CAMK4: variants seen among roughly 807,000 people sequenced by gnomAD.
The protein encoded by CAMK4 is calcium/calmodulin dependent protein kinase IV.
Under a neutral mutation model 44.9 loss-of-function variants are expected in CAMK4, and 22 were observed. The observed-to-expected ratio is 0.49, with a 90% CI of 0.35 to 0.70. CAMK4 has a LOEUF of 0.70. CAMK4 is among the 30% of genes least tolerant of loss of function. CAMK4 has a pLI of 0.01. For synonymous variants in CAMK4, 218 were observed against 215.4 expected (o/e 1.01, Z -0.11); for missense variants, 498 against 586.8 (o/e 0.85, Z 1.56).
intron 7 of CAMK4, among the ~76,000 whole-genome samples, chr5:111,468,864 G>C (rs1302023443): frequency 6.6e-6 from 1 of 151,986 alleles, no homozygotes; most frequent in Non-Finnish European, 1.5e-5. Flanking sequence ...TGTAATCACA[G>C]CTACTCAGGA....
chr5:111,373,071 A>T (rs544693423), intron 2 of CAMK4, among the ~76,000 whole-genome samples: 4 of 152,218 alleles, frequency 2.6e-5, no homozygotes, highest in Non-Finnish European at 5.9e-5. Context: ...TGGCATCCAA[A>T]CAACAAAAGT....
At chr5:111,337,926 CTG>C (rs1440301401) in intron 1 of CAMK4, among the ~76,000 whole-genome samples, 1 of 151,090 alleles carries the variant, frequency 6.6e-6, no homozygotes, top group African/African-American at 2.4e-5. Flanking sequence ...TGCCTCTAGA[CTG>C]TTTTAGTTGG....
chr5:111,287,917 G>A (rs533337507), intron 1 of CAMK4, among the ~76,000 whole-genome samples: 3 of 152,270 alleles, frequency 2.0e-5, no homozygotes, highest in African/African-American at 4.8e-5. Flanking sequence ...CACTCCAGAC[G>A]CCTCTGGCAG....
intron 5 of CAMK4, among the ~76,000 whole-genome samples, chr5:111,417,360 G>A (rs2112908441): frequency 6.6e-6 from 1 of 152,014 alleles, no homozygotes; most frequent in East Asian, 1.9e-4. Flanking sequence ...AGGATTACAG[G>A]CGCCACCACC....
Position 111,337,789 on chromosome 5 carries a change from A to C in CAMK4, c.162-6235A>C, listed in dbSNP as rs559552923. Among the ~76,000 whole-genome samples, 21 of 151,290 alleles carry C rather than the reference A, an allele frequency of 1.4e-4. No homozygotes were observed. In the South Asian group the frequency reaches 3.9e-3, roughly 28 times the overall value. ...GTGAGTGACAGCAGTGGGCCAAATT[A>C]GTACTAAAGTTGCAGCAGTTACAAA... On this transcript the variant is annotated intron_variant, in intron 1 of 10. Transcript: ENST00000282356.
At chr5:111,436,313 C>A (rs1392237249) in intron 5 of CAMK4, among the ~76,000 whole-genome samples, 1 of 152,088 alleles carries the variant, frequency 6.6e-6, no homozygotes, top group Non-Finnish European at 1.5e-5. Context: ...ATGAAAATAT[C>A]CATGTTTCTC....
At chr5:111,346,266 A>G (rs1270692214) in intron 2 of CAMK4, among the ~76,000 whole-genome samples, 1 of 151,958 alleles carries the variant, frequency 6.6e-6, no homozygotes, top group Non-Finnish European at 1.5e-5. Flanking sequence ...AAAAAAAACA[A>G]AAGGGTTCAG....
At chr5:111,344,747 A>T (rs1264657500) in intron 2 of CAMK4, among the ~76,000 whole-genome samples, 1 of 151,772 alleles carries the variant, frequency 6.6e-6, no homozygotes, top group East Asian at 1.9e-4. Context: ...AGGAGGCAAA[A>T]GTGACTTAGG....
intron 5 of CAMK4, among the ~76,000 whole-genome samples, chr5:111,400,991 T>TC (rs1407429414): frequency 2.0e-5 from 3 of 152,182 alleles, no homozygotes; most frequent in Non-Finnish European, 4.4e-5. Context: ...AACATCATCA[T>TC]CCCCTACATT....
Position 111,417,982 on chromosome 5 carries a change from C to T in CAMK4, c.459+23200C>T, listed in dbSNP as rs79940991. 6.5e-3 allele frequency among the ~76,000 whole-genome samples: 983 copies of T among 152,028 alleles called. 10 individuals are homozygous for T. Among genetic ancestry groups the T allele is most frequent in the African/African-American group, 0.021 (865 of 41,450 alleles). ...CATCCATGCAGTTTTGTGATACTTA[C>T]AACTGATATTTTGGAGGTTTTTTTT... On this transcript the variant is annotated intron_variant, in intron 5 of 10. Transcript: ENST00000282356.
chr5:111,331,671 C>G (rs1749173010), intron 1 of CAMK4, among the ~76,000 whole-genome samples: 1 of 151,628 alleles, frequency 6.6e-6, no homozygotes, highest in African/African-American at 2.4e-5. Context: ...AGTTTTCTCC[C>G]TCCTTTTTAG....
At chr5:111,271,503 AT>A (rs1274004959) in intron 1 of CAMK4, among the ~76,000 whole-genome samples, 3 of 152,130 alleles carry the variant, frequency 2.0e-5, no homozygotes, top group African/African-American at 7.2e-5. Context: ...CTTCTACTAT[AT>A]TGTGTCACTA....
chr5:111,331,318 A>G lies in CAMK4; in HGVS notation c.162-12706A>G, dbSNP rs571983353. On this transcript the variant is annotated intron_variant, in intron 1 of 10. Transcript: ENST00000282356. ...TTCACAAAAGATGAATGAATTACAT[A>G]TAAGTCCCTGCAAAAGTACTCAACA... Among the ~76,000 whole-genome samples, 4 of 151,910 alleles carry G rather than the reference A, an allele frequency of 2.6e-5. No homozygotes were observed. In the East Asian group the frequency reaches 5.8e-4, roughly 22 times the overall value.
intron 9 of CAMK4, among the ~76,000 whole-genome samples, chr5:111,479,884 C>A (rs1755372063): frequency 6.6e-6 from 1 of 152,118 alleles, no homozygotes; most frequent in Admixed American, 6.6e-5. Context: ...CTCCCCCGGA[C>A]CACTGCCCCA....
chr5:111,267,910 CTG>C (rs1343258358), intron 1 of CAMK4, among the ~76,000 whole-genome samples: 1 of 152,102 alleles, frequency 6.6e-6, no homozygotes, highest in Non-Finnish European at 1.5e-5. Context: ...TTACAGAACT[CTG>C]TATTATTTAT....
intron 1 of CAMK4, among the ~76,000 whole-genome samples, chr5:111,326,123 C>T (rs912919393): frequency 2.6e-5 from 4 of 151,710 alleles, no homozygotes; most frequent in African/African-American, 9.7e-5. Flanking sequence ...ATGTAGAAGT[C>T]AATAAAATTG....
At chr5:111,313,161 G>A (rs1451183389) in intron 1 of CAMK4, among the ~76,000 whole-genome samples, 2 of 151,990 alleles carry the variant, frequency 1.3e-5, no homozygotes, top group Admixed American at 1.3e-4. Context: ...GCAGGAGAGG[G>A]GGTCATCCTG....
At chr5:111,473,427 T>C (rs1271516534) in intron 8 of CAMK4, 41 bp downstream of exon 8, 4 of 1,279,868 alleles carry the variant, frequency 3.1e-6, no homozygotes, top group Non-Finnish European at 4.5e-6. Flanking sequence ...CTATTTACCT[T>C]GCTGTGACAT....
intron 2 of CAMK4, among the ~76,000 whole-genome samples, chr5:111,358,559 CT>C (rs1348100077): frequency 2.3e-3 from 328 of 140,318 alleles, no homozygotes; most frequent in Middle Eastern, 3.7e-3. Flanking sequence ...CAGGATTTTT[CT>C]TTTTTTTTTT....
Sources: allele counts gnomAD v4.1 joint callset (sites outside exome capture counted in the v4.1 genomes callset), GRCh38; gene constraint gnomAD v4.1.1; transcripts MANE v1.5; gene names NCBI Gene and HGNC (gene_info 2026-07-23, HGNC 2026-07-21).